ENTREP2: variants seen among roughly 807,000 people sequenced by gnomAD.
ENTREP2 encodes the protein protein ENTREP2.
At chr15:29,576,008 A>C in the ENTREP2 span, among the ~76,000 whole-genome samples, 1 of 152,214 alleles carries the variant, frequency 6.6e-6, no homozygotes, top group African/African-American at 2.4e-5. Flanking sequence ...TGGAATTCCA[A>C]GGGTCCCCAG....
chr15:29,218,725 C>T, the ENTREP2 span, among the ~76,000 whole-genome samples: 2 of 152,158 alleles, frequency 1.3e-5, no homozygotes, highest in Non-Finnish European at 2.9e-5. Context: ...AAAGGACACC[C>T]TCTTCAATAA....
chr15:29,540,896 TC>T, the ENTREP2 span, among the ~76,000 whole-genome samples: 1 of 152,214 alleles, frequency 6.6e-6, no homozygotes, highest in Admixed American at 6.5e-5. Flanking sequence ...GACAAGTTAG[TC>T]CTATAGCCTT....
At chr15:29,656,992 G>A in the ENTREP2 span, among the ~76,000 whole-genome samples, 1 of 152,154 alleles carries the variant, frequency 6.6e-6, no homozygotes, top group African/African-American at 2.4e-5. Flanking sequence ...CTGCCGGCCA[G>A]GGTGTTCGTG....
the ENTREP2 span, among the ~76,000 whole-genome samples, chr15:29,379,184 A>C: frequency 1.3e-5 from 2 of 152,190 alleles, no homozygotes; most frequent in African/African-American, 4.8e-5. Flanking sequence ...ATGGCTTGAA[A>C]GGCAAGCAAT....
chr15:29,145,614 C>A, the ENTREP2 span, among the ~76,000 whole-genome samples: 1 of 118,190 alleles, frequency 8.5e-6, no homozygotes, highest in Non-Finnish European at 1.7e-5. Flanking sequence ...CAGAGCGAGA[C>A]TCCATCTCAA....
chr15:29,460,006 G>A, the ENTREP2 span, among the ~76,000 whole-genome samples: 1 of 152,128 alleles, frequency 6.6e-6, no homozygotes, highest in Non-Finnish European at 1.5e-5. Context: ...TAGCATTTTT[G>A]GAGGCCAAGA....
the ENTREP2 span, among the ~76,000 whole-genome samples, chr15:29,464,319 A>C: frequency 6.6e-6 from 1 of 152,208 alleles, no homozygotes; most frequent in South Asian, 2.1e-4. Flanking sequence ...TGTCCCTGCA[A>C]CTGGGGGCAC....
At chr15:29,635,219 G>T in the ENTREP2 span, among the ~76,000 whole-genome samples, 1 of 152,106 alleles carries the variant, frequency 6.6e-6, no homozygotes, top group Non-Finnish European at 1.5e-5. Context: ...TCCACGTTGG[G>T]GGGTTGGGCT....
chr15:29,472,356 G>C, the ENTREP2 span, among the ~76,000 whole-genome samples: 3 of 151,018 alleles, frequency 2.0e-5, no homozygotes, highest in Non-Finnish European at 4.4e-5. Flanking sequence ...GCATCATGAT[G>C]AACTGTTCAG....
the ENTREP2 span, among the ~76,000 whole-genome samples, chr15:29,206,999 C>G: frequency 6.6e-6 from 1 of 152,170 alleles, no homozygotes; most frequent in Non-Finnish European, 1.5e-5. Context: ...CCAACATAGA[C>G]ATGCTCCGTA....
At chr15:29,365,962 A>T in the ENTREP2 span, among the ~76,000 whole-genome samples, 1 of 152,184 alleles carries the variant, frequency 6.6e-6, no homozygotes. Flanking sequence ...CTGTGCTCTG[A>T]TGTAGACCCA....
At chr15:29,300,210 G>A in the ENTREP2 span, among the ~76,000 whole-genome samples, 3 of 148,922 alleles carry the variant, frequency 2.0e-5, no homozygotes, top group African/African-American at 7.5e-5. Context: ...GTGGGTGGGT[G>A]GGTGTACAGA....
At chr15:29,657,458 G>A in the ENTREP2 span, among the ~76,000 whole-genome samples, 13 of 135,772 alleles carry the variant, frequency 9.6e-5, no homozygotes, top group African/African-American at 2.5e-4. Context: ...GGACCCCTGC[G>A]AGTTGCCGCT....
chr15:29,601,385 A>T, the ENTREP2 span, among the ~76,000 whole-genome samples: 1 of 151,726 alleles, frequency 6.6e-6, no homozygotes, highest in African/African-American at 2.4e-5. Context: ...CAATGTCATA[A>T]AATATATCTG....
the ENTREP2 span, among the ~76,000 whole-genome samples, chr15:29,623,718 G>A: frequency 2.6e-5 from 4 of 152,034 alleles, no homozygotes; most frequent in Non-Finnish European, 4.4e-5. Context: ...CAGATAATAG[G>A]AGAAAAAAAG....
At chr15:29,259,156 T>C in the ENTREP2 span, among the ~76,000 whole-genome samples, 1 of 152,170 alleles carries the variant, frequency 6.6e-6, no homozygotes, top group African/African-American at 2.4e-5. Flanking sequence ...GAGACTTTAG[T>C]GATCACACAC....
chr15:29,202,751 C>T, the ENTREP2 span, among the ~76,000 whole-genome samples: 2 of 152,080 alleles, frequency 1.3e-5, no homozygotes, highest in Non-Finnish European at 2.9e-5. Context: ...TTTTCTGTTC[C>T]TGTGTTAGTT....
the ENTREP2 span, among the ~76,000 whole-genome samples, chr15:29,156,565 AACATCGGTTGAAGTG>A: frequency 2.6e-5 from 4 of 152,114 alleles, no homozygotes; most frequent in Non-Finnish European, 5.9e-5. Flanking sequence ...AGATGGAGTA[AACATCGGTTGAAGTG>A]AGACTGGACA....
chr15:29,295,533 G>A, the ENTREP2 span, among the ~76,000 whole-genome samples: 1 of 152,160 alleles, frequency 6.6e-6, no homozygotes, highest in South Asian at 2.1e-4. Context: ...CAAACCCTAC[G>A]CAGCAGTTTT....
Sources: allele counts gnomAD v4.1 joint callset (sites outside exome capture counted in the v4.1 genomes callset), GRCh38; gene constraint gnomAD v4.1.1; transcripts MANE v1.5; gene names NCBI Gene and HGNC (gene_info 2026-07-23, HGNC 2026-07-21).